The following STXBP5L variants were observed in gnomAD, a reference collection of about 807,000 sequenced individuals.
STXBP5L encodes syntaxin-binding protein 5-like.
A neutral mutation model predicts 144.5 loss-of-function variants in STXBP5L; 65 were observed. That is an observed-to-expected ratio of 0.45 (90% CI 0.37 to 0.55). STXBP5L has a LOEUF of 0.55. STXBP5L is among the 20% of genes least tolerant of loss of function. STXBP5L has a pLI of 0.00. For missense variants in STXBP5L, 1,298 were observed against 1,405.5 expected (o/e 0.92, Z 1.22); for synonymous variants, 505 against 469.6 (o/e 1.08, Z -0.97).
intron 7 of STXBP5L, among the ~76,000 whole-genome samples, chr3:121,150,790 T>A (rs1393143629): frequency 2.0e-5 from 3 of 152,026 alleles, no homozygotes. Flanking sequence ...ATACACTCAA[T>A]AAAGTTGGTT....
intron 5 of STXBP5L, among the ~76,000 whole-genome samples, chr3:121,102,961 A>T (rs546580163): frequency 6.6e-6 from 1 of 152,278 alleles, no homozygotes; most frequent in East Asian, 1.9e-4. Flanking sequence ...ACCCCACATA[A>T]CTAATCATCA....
intron 6 of STXBP5L, among the ~76,000 whole-genome samples, chr3:121,120,499 G>T (rs1035953868): frequency 4.6e-5 from 7 of 151,026 alleles, no homozygotes; most frequent in African/African-American, 1.7e-4. Context: ...ACTATGTTTT[G>T]CCATAGTATT....
chr3:121,284,640 C>A (rs1162110519), intron 19 of STXBP5L, among the ~76,000 whole-genome samples: 1 of 152,110 alleles, frequency 6.6e-6, no homozygotes, highest in Non-Finnish European at 1.5e-5. Context: ...AGCATGGCAG[C>A]AGACTTTATT....
In STXBP5L at chr3:121,039,286, A is replaced by T. The variant is rs1211081977; in HGVS notation, c.288-2414A>T. On this transcript the variant is annotated intron_variant, in intron 3 of 26. Coordinates refer to ENST00000471454, the MANE Select transcript of STXBP5L (RefSeq NM_001308330.2). ...TCTTGCTGATTGCCTTATGGTTTATATTAATAGTGTGCAGCTGTACCTTAT... is the reference window on the plus strand; with the variant it reads ...TCTTGCTGATTGCCTTATGGTTTATTTTAATAGTGTGCAGCTGTACCTTAT... 2.6e-5 allele frequency among the ~76,000 whole-genome samples: 4 copies of T among 152,006 alleles called. No homozygotes were observed. In the East Asian group the frequency reaches 7.7e-4, roughly 29 times the overall value.
intron 5 of STXBP5L, among the ~76,000 whole-genome samples, chr3:121,065,776 A>G (rs1449772785): frequency 2.6e-5 from 4 of 152,288 alleles, no homozygotes; most frequent in Admixed American, 2.6e-4. Context: ...GGTCTCACAA[A>G]TTAAAATTGT....
intron 3 of STXBP5L, among the ~76,000 whole-genome samples, chr3:120,997,679 C>T (rs893654765): frequency 6.6e-6 from 1 of 151,948 alleles, no homozygotes; most frequent in African/African-American, 2.4e-5. Context: ...GATATTAGAC[C>T]TTTGTCAGAT....
chr3:121,283,112 C>T (rs1333758923), intron 19 of STXBP5L, among the ~76,000 whole-genome samples: 1 of 151,756 alleles, frequency 6.6e-6, no homozygotes, highest in East Asian at 1.9e-4. Context: ...TGTTAAAAAG[C>T]AGGTTGTTTA....
intron 2 of STXBP5L, among the ~76,000 whole-genome samples, chr3:120,934,580 T>C (rs1222800697): frequency 6.6e-6 from 1 of 152,070 alleles, no homozygotes; most frequent in East Asian, 1.9e-4. Context: ...TGTTAATTAT[T>C]GAGAGAGGGG....
At chr3:121,272,773 T>G (rs1312761878) in intron 18 of STXBP5L, among the ~76,000 whole-genome samples, 1 of 152,146 alleles carries the variant, frequency 6.6e-6, no homozygotes, top group Non-Finnish European at 1.5e-5. Context: ...ATCTCATATA[T>G]ACCTACTATG....
At chr3:121,050,842 C>T (rs973859931) in intron 5 of STXBP5L, among the ~76,000 whole-genome samples, 2 of 152,088 alleles carry the variant, frequency 1.3e-5, no homozygotes, top group Non-Finnish European at 1.5e-5. Flanking sequence ...GGAAACCCAT[C>T]TCATGTGCAG....
intron 3 of STXBP5L, among the ~76,000 whole-genome samples, chr3:121,005,339 A>T (rs1436233261): frequency 6.6e-6 from 1 of 152,090 alleles, no homozygotes; most frequent in Admixed American, 6.6e-5. Flanking sequence ...TTATTTGCAT[A>T]GTGGTGTTTA....
chr3:121,341,807 T>C (rs1340060759), intron 20 of STXBP5L, among the ~76,000 whole-genome samples: 1 of 151,964 alleles, frequency 6.6e-6, no homozygotes, highest in Non-Finnish European at 1.5e-5. Context: ...GGAACTAAAA[T>C]TTAAAACAGT....
chr3:120,995,306 C>T (rs1430938207), intron 3 of STXBP5L, among the ~76,000 whole-genome samples: 1 of 152,022 alleles, frequency 6.6e-6, no homozygotes, highest in South Asian at 2.1e-4. Context: ...TTCCACCATG[C>T]CTGGCTAATT....
intron 7 of STXBP5L, among the ~76,000 whole-genome samples, chr3:121,127,410 G>T (rs1239718183): frequency 6.6e-6 from 1 of 151,942 alleles, no homozygotes; most frequent in Non-Finnish European, 1.5e-5. Flanking sequence ...CAGTTAGGCC[G>T]TGCTCCCTCT....
intron 14 of STXBP5L, among the ~76,000 whole-genome samples, chr3:121,248,354 G>A (rs921023388): frequency 6.6e-6 from 1 of 152,108 alleles, no homozygotes; most frequent in Admixed American, 6.5e-5. Flanking sequence ...ATGAGCCACC[G>A]TGCCTGGCCA....
intron 5 of STXBP5L, among the ~76,000 whole-genome samples, chr3:121,107,288 C>A (rs906621516): frequency 6.6e-6 from 1 of 152,078 alleles, no homozygotes; most frequent in Admixed American, 6.6e-5. Flanking sequence ...GAAATCTTTG[C>A]CCGTGCCTAT....
intron 5 of STXBP5L, chr3:121,099,219 G>A (rs765424280): frequency 6.6e-6 from 1 of 152,162 alleles, no homozygotes; most frequent in Non-Finnish European, 1.5e-5. Context: ...CTGCCAAATT[G>A]GTATCAGGGT....
chr3:121,038,926 G>A (rs1024788453), intron 3 of STXBP5L, among the ~76,000 whole-genome samples: 36 of 151,684 alleles, frequency 2.4e-4, no homozygotes, highest in Non-Finnish European at 4.1e-4. Context: ...CTTAATTAAT[G>A]TTAGCATGGT....
intron 12 of STXBP5L, among the ~76,000 whole-genome samples, chr3:121,238,318 A>G (rs564422112): frequency 1.3e-5 from 2 of 152,276 alleles, no homozygotes; most frequent in African/African-American, 4.8e-5. Context: ...ATGATGAAAG[A>G]AGAAACAAGT....
Sources: allele counts gnomAD v4.1 joint callset (sites outside exome capture counted in the v4.1 genomes callset), GRCh38; gene constraint gnomAD v4.1.1; transcripts MANE v1.5; gene names NCBI Gene and HGNC (gene_info 2026-07-23, HGNC 2026-07-21).